The following ATG7 variants were observed in gnomAD, a reference collection of about 807,000 sequenced individuals.
ATG7 encodes autophagy related 7, also known as ubiquitin-like modifier-activating enzyme ATG7.
Under a neutral mutation model 82.4 loss-of-function variants are expected in ATG7, and 70 were observed. The ratio of observed to expected loss-of-function variants is 0.85; its 90% CI spans 0.70 to 1.04. The LOEUF (loss-of-function observed/expected upper bound fraction) is 1.04. Ranked by LOEUF, ATG7 falls within the 50% of genes least tolerant of loss-of-function variation. ATG7 has a pLI of 0.00. For synonymous variants in ATG7, 287 were observed against 313.0 expected (o/e 0.92, Z 0.88); for missense variants, 792 against 864.3 (o/e 0.92, Z 1.05).
At chr3:11,333,366 T>C (rs1951923859) in intron 11 of ATG7, among the ~76,000 whole-genome samples, 1 of 152,244 alleles carries the variant, frequency 6.6e-6, no homozygotes, top group South Asian at 2.1e-4. Context: ...TTTTCAATTT[T>C]ACTTTTCTTT....
At chr3:11,564,902 G>T in the ATG7 span, 1 of 1,607,350 alleles carries the variant, frequency 6.2e-7, no homozygotes. Context: ...CAAGGCTGGG[G>T]AGGGAGGTGT....
intron 20 of ATG7, among the ~76,000 whole-genome samples, chr3:11,478,629 A>G (rs1053161200): frequency 6.6e-6 from 1 of 152,226 alleles, no homozygotes; most frequent in African/African-American, 2.4e-5. Flanking sequence ...CTGCAAGTGC[A>G]AAGGCAAAAC....
intron 16 of ATG7, among the ~76,000 whole-genome samples, chr3:11,362,354 G>A (rs1326192764): frequency 6.6e-6 from 1 of 152,208 alleles, no homozygotes; most frequent in African/African-American, 2.4e-5. Context: ...GAGGGCCGCA[G>A]GAATAGTAAA....
intron 19 of ATG7, among the ~76,000 whole-genome samples, chr3:11,392,895 A>G (rs1292459003): frequency 6.6e-6 from 1 of 152,218 alleles, no homozygotes; most frequent in Non-Finnish European, 1.5e-5. Flanking sequence ...TCTCAGACTA[A>G]ATTTTGCCAC....
chr3:11,330,719 T>C (rs1051169901), intron 9 of ATG7, among the ~76,000 whole-genome samples: 6 of 152,152 alleles, frequency 3.9e-5, no homozygotes, highest in African/African-American at 1.4e-4. Context: ...ATATACAAGG[T>C]TCAAAGAGCT....
chr3:11,473,360 C>A (rs745890902), intron 20 of ATG7, among the ~76,000 whole-genome samples: 82 of 152,170 alleles, frequency 5.4e-4, no homozygotes, highest in Non-Finnish European at 1.0e-3. Flanking sequence ...ACAGGACTTT[C>A]CTGCAAATCA....
chr3:11,390,125 CG>C (rs1447873421), intron 19 of ATG7, among the ~76,000 whole-genome samples: 1 of 152,178 alleles, frequency 6.6e-6, no homozygotes, highest in Non-Finnish European at 1.5e-5. Context: ...AGCTCAACAT[CG>C]CTCTTTCTTA....
the ATG7 span, among the ~76,000 whole-genome samples, chr3:11,573,289 A>C: frequency 8.8e-5 from 1 of 11,354 alleles, no homozygotes; most frequent in Non-Finnish European, 1.4e-4. Context: ...GAAAGAAAGA[A>C]AGAAAGAAAG....
At chr3:11,349,543 T>TAAG (rs1281228278) in intron 14 of ATG7, among the ~76,000 whole-genome samples, 1 of 151,880 alleles carries the variant, frequency 6.6e-6, no homozygotes, top group Non-Finnish European at 1.5e-5. Context: ...ACTGTCTATA[T>TAAG]AATAATAATA....
chr3:11,465,845 TAAG>T (rs1386133642), intron 20 of ATG7, among the ~76,000 whole-genome samples: 3 of 152,136 alleles, frequency 2.0e-5, no homozygotes, highest in African/African-American at 7.2e-5. Context: ...AACCCAGGGA[TAAG>T]AAGAAGGGGA....
chr3:11,530,550 C>T (rs868285071), intron 20 of ATG7, among the ~76,000 whole-genome samples: 1 of 152,172 alleles, frequency 6.6e-6, no homozygotes, highest in African/African-American at 2.4e-5. Flanking sequence ...AGTCGGCACC[C>T]ATTCCAGACT....
At chr3:11,455,806 G>T (rs2085650515) in intron 20 of ATG7, among the ~76,000 whole-genome samples, 1 of 152,072 alleles carries the variant, frequency 6.6e-6, no homozygotes, top group Non-Finnish European at 1.5e-5. Context: ...CTGACCTTGG[G>T]CTCACACCCT....
At chr3:11,336,838 A>G (rs1200776367) in intron 11 of ATG7, among the ~76,000 whole-genome samples, 2 of 151,414 alleles carry the variant, frequency 1.3e-5, no homozygotes, top group Non-Finnish European at 2.9e-5. Flanking sequence ...ACACCCAACT[A>G]ATTTTTGTAT....
At chr3:11,295,107 G>A (rs1203046565) in intron 3 of ATG7, among the ~76,000 whole-genome samples, 1 of 152,092 alleles carries the variant, frequency 6.6e-6, no homozygotes, top group East Asian at 1.9e-4. Flanking sequence ...GCAAGACTCT[G>A]TCTCAGAGAA....
chr3:11,369,046 C>CT (rs1553631687), intron 18 of ATG7, among the ~76,000 whole-genome samples: 3 of 150,836 alleles, frequency 2.0e-5, no homozygotes, highest in Non-Finnish European at 4.4e-5. Flanking sequence ...TGGGAAAACT[C>CT]TAATTGAGTC....
chr3:11,318,043 A>T (rs1372283523), intron 9 of ATG7, among the ~76,000 whole-genome samples: 1 of 152,242 alleles, frequency 6.6e-6, no homozygotes, highest in Non-Finnish European at 1.5e-5. Context: ...TGCTGAGCAC[A>T]TGGTAGATGC....
intron 20 of ATG7, among the ~76,000 whole-genome samples, chr3:11,455,589 G>T (rs568521055): frequency 1.3e-5 from 2 of 152,166 alleles, no homozygotes; most frequent in African/African-American, 4.8e-5. Context: ...ACAACTGATC[G>T]TGAGCTTGTC....
rs1333256953 is a variant in ATG7 at position 11,540,556 on chromosome 3, C to T, written c.2080-14255C>T. On this transcript the variant is annotated intron_variant, in intron 20 of 20. Transcript: ENST00000693202. ...CTCAGGAGGCTGAGGTGGGAGGATC[C>T]CTTGAGACCAAGAGGTGAAGGCTGC... is the stretch of plus-strand genomic sequence containing the variant. Among the ~76,000 whole-genome samples the T allele has an allele frequency of 2.6e-5, 4 of 152,054 alleles. No individual in the cohort carries two copies. In the East Asian group the frequency reaches 7.8e-4, roughly 29 times the overall value.
At chr3:11,467,562 G>A (rs2086963693) in intron 20 of ATG7, among the ~76,000 whole-genome samples, 1 of 152,144 alleles carries the variant, frequency 6.6e-6, no homozygotes. Flanking sequence ...TTTTAGTAGA[G>A]GCGGGGTTTC....
Sources: allele counts gnomAD v4.1 joint callset (sites outside exome capture counted in the v4.1 genomes callset), GRCh38; gene constraint gnomAD v4.1.1; transcripts MANE v1.5; gene names NCBI Gene and HGNC (gene_info 2026-07-23, HGNC 2026-07-21).